ERBIN: variants seen among roughly 807,000 people sequenced by gnomAD.
ERBIN encodes the protein erbb2 interacting protein.
In ERBIN, 60 loss-of-function variants were observed where a neutral mutation model predicts 158.4. The observed-to-expected ratio is 0.38, with a 90% CI of 0.31 to 0.47. ERBIN has a LOEUF of 0.47. ERBIN is among the 20% of genes least tolerant of loss of function. The pLI is 0.99. For missense variants in ERBIN, 1,610 were observed against 1,648.0 expected, an observed-to-expected ratio of 0.98 and a Z score of 0.40; for synonymous variants, 594 against 557.2, an observed-to-expected ratio of 1.07 and a Z score of -0.93.
At chr5:65,979,709 T>C (rs557906612) in intron 1 of ERBIN, among the ~76,000 whole-genome samples, 1 of 152,306 alleles carries the variant, frequency 6.6e-6, no homozygotes, top group South Asian at 2.1e-4. Context: ...TTTTAAAAAT[T>C]GATCAAATAG....
At chr5:65,956,222 G>A (rs1293925412) in intron 1 of ERBIN, among the ~76,000 whole-genome samples, 2 of 152,108 alleles carry the variant, frequency 1.3e-5, no homozygotes, top group African/African-American at 2.4e-5. Flanking sequence ...GGTAGTTGGG[G>A]ATTAGAAACT....
rs973537429 is a variant in ERBIN, at chr5:66,022,213, G to C, written c.597+828G>C. ...TACCTCATTCTCTAAAATACATGCT[G>C]TGCTTCCCAAATTATTTATCTGTTA... On this transcript the variant is annotated intron_variant, in intron 8 of 25. Coordinates refer to ENST00000284037, the MANE Select transcript of ERBIN (RefSeq NM_001253697.2). Among the ~76,000 whole-genome samples the C allele has an allele frequency of 2.0e-5, 3 of 152,042 alleles. No homozygotes were observed. In the South Asian group the frequency reaches 6.2e-4, roughly 32 times the overall value.
At chr5:65,987,743 G>A (rs574057567) in intron 1 of ERBIN, among the ~76,000 whole-genome samples, 23 of 151,960 alleles carry the variant, frequency 1.5e-4, no homozygotes, top group African/African-American at 5.6e-4. Context: ...TACTCGGCAG[G>A]CTGAGGCAGG....
chr5:66,018,855 T>C (rs1755360676), intron 7 of ERBIN, among the ~76,000 whole-genome samples: 1 of 151,404 alleles, frequency 6.6e-6, no homozygotes, highest in South Asian at 2.1e-4. Context: ...CAGGATGGTC[T>C]CGATCTCCTG....
intron 1 of ERBIN, among the ~76,000 whole-genome samples, chr5:65,945,537 G>A (rs116461134): frequency 3.9e-5 from 6 of 152,152 alleles, no homozygotes; most frequent in East Asian, 3.8e-4. Context: ...GTTGCCTGCC[G>A]TATTTCAAAC....
intron 21 of ERBIN, among the ~76,000 whole-genome samples, chr5:66,066,739 A>G (rs1324025893): frequency 2.0e-5 from 3 of 152,162 alleles, no homozygotes; most frequent in Non-Finnish European, 4.4e-5. Flanking sequence ...TTAACACAAC[A>G]TGGTAAGTGT....
chr5:65,998,894 C>CAAAA (rs34966696), intron 4 of ERBIN, among the ~76,000 whole-genome samples: 1 of 69,934 alleles, frequency 1.4e-5, no homozygotes, highest in Non-Finnish European at 2.9e-5. Context: ...GACCCTGTCT[C>CAAAA]AAAAAAAAAA....
intron 4 of ERBIN, among the ~76,000 whole-genome samples, chr5:66,008,644 C>T (rs757534662): frequency 6.6e-6 from 1 of 152,012 alleles, no homozygotes; most frequent in Non-Finnish European, 1.5e-5. Context: ...TTATCATGTA[C>T]TAAAAATACT....
intron 10 of ERBIN, among the ~76,000 whole-genome samples, chr5:66,024,956 T>C (rs1337680349): frequency 6.6e-6 from 1 of 152,160 alleles, no homozygotes; most frequent in African/African-American, 2.4e-5. Context: ...TATTTCTCAG[T>C]TAAATCACGT....
chr5:66,060,799 C>T (rs978412202), intron 21 of ERBIN, among the ~76,000 whole-genome samples: 1 of 152,100 alleles, frequency 6.6e-6, no homozygotes, highest in East Asian at 1.9e-4. Flanking sequence ...TCGTTAGGTA[C>T]CCAGTAGTCA....
intron 21 of ERBIN, among the ~76,000 whole-genome samples, chr5:66,062,093 C>T (rs1216712591): frequency 6.6e-6 from 1 of 151,970 alleles, no homozygotes; most frequent in African/African-American, 2.4e-5. Flanking sequence ...GTTGGCTTGC[C>T]TTGCTAGATT....
At chr5:66,060,650 C>A (rs1359501685) in intron 21 of ERBIN, among the ~76,000 whole-genome samples, 3 of 152,176 alleles carry the variant, frequency 2.0e-5, no homozygotes, top group Admixed American at 2.0e-4. Flanking sequence ...AATTTTAGAT[C>A]TTTCCTGCTT....
At chr5:65,977,298 A>AC (rs1378057199) in intron 1 of ERBIN, among the ~76,000 whole-genome samples, 47 of 129,140 alleles carry the variant, frequency 3.6e-4, no homozygotes, top group African/African-American at 9.8e-4. Flanking sequence ...CGGGGGGCTG[A>AC]CCCCCCCACC....
Position 66,053,589 on chromosome 5 carries a change from T to C in ERBIN, c.2271T>C (p.Thr757=). 3.1e-6 allele frequency: 5 copies of C among 1,610,646 alleles called. No individual in the cohort carries two copies. The highest frequency in any genetic ancestry group is 4.2e-6 in the Non-Finnish European group (5 of 1,179,054). ...SVDSTATADD[T]HKLDHINMNL... Reference sequence around the variant, plus strand: ...ACTCAACAGCCACAGCTGATGACACTCACAAATTAGATCATATCAATATGA... The same window carrying C: ...ACTCAACAGCCACAGCTGATGACACCCACAAATTAGATCATATCAATATGA... The change falls in exon 21 of 26, where the codon ACT becomes ACC. Residue 757 remains threonine, a synonymous_variant. Coordinates refer to ENST00000284037, the MANE Select transcript of ERBIN (RefSeq NM_001253697.2).
Position 66,018,510 on chromosome 5 carries a change from ATATTAT to A in ERBIN, c.534-2811_534-2806del, listed in dbSNP as rs1755159705. On this transcript the variant is annotated intron_variant, in intron 7 of 25. Coordinates refer to ENST00000284037, the MANE Select transcript of ERBIN (RefSeq NM_001253697.2). ...TATTATATTATATAATATATATTATATATTATATAATATATATTATATTATATAATA... is the reference window on the plus strand; with the variant it reads ...TATTATATTATATAATATATATTATAATAATATATATTATATTATATAATA... Among the ~76,000 whole-genome samples the A allele has an allele frequency of 1.6e-4, 2 of 12,888 alleles. 1 individual carries two copies. The highest frequency in any genetic ancestry group is 2.7e-4 in the Non-Finnish European group (2 of 7,294). 8.5% of individuals were successfully genotyped at this position (12,888 alleles called of 152,430 possible). A position where few individuals can be genotyped will look rare whatever the true frequency, so the allele number is the denominator to read the frequency against.
chr5:66,015,945 A>T (rs963494524), intron 7 of ERBIN, among the ~76,000 whole-genome samples: 1 of 152,180 alleles, frequency 6.6e-6, no homozygotes, highest in Admixed American at 6.5e-5. Context: ...TATCTGTTAC[A>T]GTATTTGCTG....
intron 22 of ERBIN, among the ~76,000 whole-genome samples, chr5:66,074,493 T>A (rs1376204330): frequency 1.3e-5 from 2 of 152,176 alleles, no homozygotes. Context: ...AATTGACTTG[T>A]TAATTTTGGA....
chr5:66,048,875 G>T, intron 19 of ERBIN, 94 bp downstream of exon 19: 3 of 714,346 alleles, frequency 4.2e-6, no homozygotes, highest in South Asian at 2.5e-5. Context: ...TATGTTATTT[G>T]ATACATTTTA....
Position 66,078,540 on chromosome 5 carries a change from A to T in ERBIN, c.*10A>T, listed in dbSNP as rs1375456864. The stretch of plus-strand genomic sequence containing the variant: ...AGAAGTTTCCTCATAAGCACTGTGG[A>T]CAAAAAAAGCGGGGAAGACAGCAAG... On this transcript the variant is annotated 3_prime_UTR_variant, in exon 26 of 26. Transcript: ENST00000284037. The T allele has an allele frequency of 6.4e-7, 1 of 1,554,634 alleles. No homozygotes were observed. The highest frequency in any genetic ancestry group is 8.9e-7 in the Non-Finnish European group (1 of 1,129,544).
Sources: allele counts gnomAD v4.1 joint callset (sites outside exome capture counted in the v4.1 genomes callset), GRCh38; gene constraint gnomAD v4.1.1; transcripts MANE v1.5; gene names NCBI Gene and HGNC (gene_info 2026-07-23, HGNC 2026-07-21).